Variants in FAM135A observed in about 807,000 individuals in gnomAD.
FAM135A encodes family with sequence similarity 135 member A, also known as protein FAM135A.
A neutral mutation model predicts 146.8 loss-of-function variants in FAM135A; 79 were observed. The observed-to-expected ratio is 0.54, with a 90% CI of 0.45 to 0.65. FAM135A has a LOEUF of 0.65. Among genes scored for constraint, FAM135A ranks in the 30% least tolerant of loss-of-function variants. The probability of loss-of-function intolerance (pLI) is 0.00; values close to 1 mark genes in which losing one functional copy is unlikely to be tolerated. For synonymous variants in FAM135A, 562 were observed against 603.6 expected (o/e 0.93, Z 1.01); for missense variants, 1,623 against 1,758.2 (o/e 0.92, Z 1.38).
chr6:70,542,521 G>A (rs1028848630), intron 20 of FAM135A, among the ~76,000 whole-genome samples: 3 of 152,120 alleles, frequency 2.0e-5, no homozygotes, highest in Non-Finnish European at 4.4e-5. Flanking sequence ...TCTACTCTCA[G>A]AATACTCGCT....
intron 16 of FAM135A, among the ~76,000 whole-genome samples, chr6:70,531,305 C>T (rs956685572): frequency 1.3e-5 from 2 of 152,170 alleles, no homozygotes; most frequent in African/African-American, 4.8e-5. Context: ...TTGACTGGAC[C>T]GCTTCTACCT....
chr6:70,437,828 T>C (rs1166811219), intron 4 of FAM135A, among the ~76,000 whole-genome samples: 1 of 152,146 alleles, frequency 6.6e-6, no homozygotes, highest in African/African-American at 2.4e-5. Flanking sequence ...AAAAACAATT[T>C]CCATTTTGAA....
At chr6:70,501,848 A>T (rs774913547) in intron 11 of FAM135A, among the ~76,000 whole-genome samples, 3 of 152,132 alleles carry the variant, frequency 2.0e-5, no homozygotes, top group Non-Finnish European at 4.4e-5. Context: ...GAAATGCAGA[A>T]ATCACCCACC....
intron 13 of FAM135A, 22 bp downstream of exon 13, chr6:70,522,608 T>C: frequency 6.3e-7 from 1 of 1,588,674 alleles, no homozygotes. Context: ...AAATTCAAAA[T>C]TAAAATGATA....
chr6:70,548,441 C>G (rs1799236974), intron 20 of FAM135A, among the ~76,000 whole-genome samples: 2 of 152,092 alleles, frequency 1.3e-5, no homozygotes, highest in African/African-American at 2.4e-5. Context: ...ATTTTATCAT[C>G]ATGGAATCTG....
At chr6:70,548,037 A>G (rs948645709) in intron 20 of FAM135A, among the ~76,000 whole-genome samples, 1 of 152,194 alleles carries the variant, frequency 6.6e-6, no homozygotes, top group African/African-American at 2.4e-5. Context: ...AACCTAGAAT[A>G]TTAGCTCCCA....
At chr6:70,549,378 T>G (rs1799409256) in intron 20 of FAM135A, among the ~76,000 whole-genome samples, 1 of 152,042 alleles carries the variant, frequency 6.6e-6, no homozygotes, top group Non-Finnish European at 1.5e-5. Flanking sequence ...AAAAAAGACA[T>G]AAAATAGTAT....
At chr6:70,538,448 TA>T (rs3830868) in intron 20 of FAM135A, 47 bp downstream of exon 20, 16,844 of 1,072,640 alleles carry the variant, frequency 0.016, 665 homozygotes, top group African/African-American at 0.1. Flanking sequence ...GAAAACTTTT[TA>T]AAAAATAAAC....
At chr6:70,556,946 ATC>A in intron 21 of FAM135A, 83 bp downstream of exon 21, 1 of 924,944 alleles carries the variant, frequency 1.1e-6, no homozygotes, top group Non-Finnish European at 1.7e-6. Flanking sequence ...TTTCTCTCGT[ATC>A]TGTCACCCTT....
rs1179072858 is a variant in FAM135A, at chr6:70,534,312, C to CTTTT, written c.3965+480_3965+483dup. Among the ~76,000 whole-genome samples the CTTTT allele has an allele frequency of 4.3e-4, 39 of 89,798 alleles. 5 individuals are homozygous for CTTTT. The highest frequency in any genetic ancestry group is 4.9e-4 in the Non-Finnish European group (23 of 47,386). 58.9% of individuals were successfully genotyped at this position (89,798 alleles called of 152,430 possible). A position where few individuals can be genotyped will look rare whatever the true frequency, so the allele number is the denominator to read the frequency against. ...CAAAAATACTTTCAAAGTTTGTATACTTTTTTTTTTTTTTTTTTTTTTTTT... is the reference window on the plus strand; with the variant it reads ...CAAAAATACTTTCAAAGTTTGTATACTTTTTTTTTTTTTTTTTTTTTTTTTTTTT... On this transcript the variant is annotated intron_variant, in intron 18 of 21. Transcript: ENST00000418814.
chr6:70,522,482 G>T, intron 12 of FAM135A, 31 bp from the exon 13 acceptor site: 1 of 1,595,230 alleles, frequency 6.3e-7, no homozygotes. Flanking sequence ...AATACGTCAT[G>T]TTATTAATAC....
At chr6:70,542,268 ACACACACACC>A (rs1798065754) in intron 20 of FAM135A, among the ~76,000 whole-genome samples, 1 of 151,608 alleles carries the variant, frequency 6.6e-6, no homozygotes, top group African/African-American at 2.4e-5. Flanking sequence ...ACACACACAC[ACACACACACC>A]CTTTGCTGTG....
chr6:70,500,781 G>A (rs1185528163), intron 11 of FAM135A, among the ~76,000 whole-genome samples: 4 of 152,170 alleles, frequency 2.6e-5, no homozygotes, highest in Non-Finnish European at 5.9e-5. Flanking sequence ...TCCACTCCAG[G>A]CCCTGTTTGC....
At chr6:70,452,711 G>A in intron 5 of FAM135A, 140 bp downstream of exon 5, 1 of 566,452 alleles carries the variant, frequency 1.8e-6, no homozygotes, top group Admixed American at 4.1e-5. Context: ...TATATTTGGG[G>A]ACTCAGTGAA....
chr6:70,525,378 C>G lies in FAM135A; in HGVS notation c.2294C>G (p.Ser765Cys), dbSNP rs780925660. The stretch of plus-strand genomic sequence containing the variant: ...GATATTAGTGCCACATATGCCTCAT[C>G]TAGATTTTCAGATTCAGGTGTTGAA... ...LPDISATYASSRFSDSGVESE... is the reference protein window; with the variant it reads ...LPDISATYASCRFSDSGVESE... The change falls in exon 15 of 22, where the codon TCT becomes TGT. Residue 765 changes from serine (S) to cysteine (C), a missense_variant. Physicochemically the swap from Ser to Cys is moderately radical, Grantham distance 112. Coordinates refer to ENST00000418814, the MANE Select transcript of FAM135A (RefSeq NM_001162529.3). 1 of 1,613,706 alleles carries G rather than the reference C, an allele frequency of 6.2e-7. No individual in the cohort carries two copies. The highest frequency in any genetic ancestry group is 8.5e-7 in the Non-Finnish European group (1 of 1,179,686).
intron 5 of FAM135A, among the ~76,000 whole-genome samples, chr6:70,456,908 C>T (rs561381839): frequency 6.6e-6 from 1 of 152,252 alleles, no homozygotes; most frequent in Admixed American, 6.5e-5. Flanking sequence ...ACAGTTCAGT[C>T]AGGAGCACCC....
intron 20 of FAM135A, among the ~76,000 whole-genome samples, chr6:70,541,701 C>T (rs530126524): frequency 7.4e-4 from 113 of 152,256 alleles, no homozygotes; most frequent in Non-Finnish European, 1.3e-3. Flanking sequence ...GTGCTCTAGA[C>T]TTATACACCT....
At chr6:70,510,532 A>G (rs1194407829) in intron 12 of FAM135A, among the ~76,000 whole-genome samples, 2 of 152,142 alleles carry the variant, frequency 1.3e-5, no homozygotes, top group Admixed American at 6.5e-5. Context: ...ATCATACAAC[A>G]TTTTGTATCT....
intron 4 of FAM135A, among the ~76,000 whole-genome samples, chr6:70,445,099 A>G (rs891513541): frequency 6.6e-6 from 1 of 152,168 alleles, no homozygotes; most frequent in Non-Finnish European, 1.5e-5. Context: ...TCATGGTGCT[A>G]ATTGTGGGAA....
Sources: gnomAD v4.1 joint callset for allele counts (sites outside exome capture counted in the v4.1 genomes callset) on GRCh38, gnomAD v4.1.1 for gene constraint, MANE v1.5 for transcripts, NCBI Gene and HGNC (gene_info 2026-07-23, HGNC 2026-07-21) for gene names.